Variants in ARHGAP24 observed in about 807,000 individuals in gnomAD.
ARHGAP24 encodes rho GTPase-activating protein 24.
Under a neutral mutation model 76.4 loss-of-function variants are expected in ARHGAP24, and 50 were observed. The ratio of observed to expected loss-of-function variants is 0.65; its 90% CI spans 0.52 to 0.83. ARHGAP24 has a LOEUF of 0.83. ARHGAP24 is among the 40% of genes least tolerant of loss of function. The pLI is 0.00. For missense variants in ARHGAP24, 930 were observed against 914.2 expected (o/e 1.02, Z -0.22); for synonymous variants, 345 against 323.3 (o/e 1.07, Z -0.72).
At chr4:85,488,379 T>C (rs1316525548) in intron 1 of ARHGAP24, among the ~76,000 whole-genome samples, 1 of 152,188 alleles carries the variant, frequency 6.6e-6, no homozygotes, top group African/African-American at 2.4e-5. Context: ...AAAAGTCTTT[T>C]AATCTTTCAT....
intron 5 of ARHGAP24, among the ~76,000 whole-genome samples, chr4:85,952,576 A>G (rs1456438557): frequency 3.3e-5 from 5 of 152,206 alleles, no homozygotes; most frequent in African/African-American, 1.2e-4. Context: ...TGGAATTTGG[A>G]GTAGTTGTGA....
intron 2 of ARHGAP24, among the ~76,000 whole-genome samples, chr4:85,686,019 T>C (rs1723410863): frequency 6.6e-6 from 1 of 152,194 alleles, no homozygotes. Context: ...CTGTGCTTGG[T>C]CTCAGTTGCT....
chr4:85,595,387 G>GT (rs922910957), intron 2 of ARHGAP24, among the ~76,000 whole-genome samples: 1 of 152,060 alleles, frequency 6.6e-6, no homozygotes, highest in Non-Finnish European at 1.5e-5. Context: ...AAGTCAGGTG[G>GT]TATTTATAGT....
intron 3 of ARHGAP24, among the ~76,000 whole-genome samples, chr4:85,768,250 A>G (rs1327947923): frequency 2.0e-5 from 3 of 152,224 alleles, no homozygotes; most frequent in Admixed American, 2.0e-4. Context: ...TAAAGATTGG[A>G]TTTAAAAAAA....
intron 1 of ARHGAP24, among the ~76,000 whole-genome samples, chr4:85,538,640 C>T (rs145208644): frequency 2.6e-5 from 4 of 152,266 alleles, no homozygotes; most frequent in Admixed American, 2.6e-4. Flanking sequence ...ATATTTTGAA[C>T]TCTCTTACCA....
At chr4:85,552,666 G>A (rs1726187816) in intron 1 of ARHGAP24, among the ~76,000 whole-genome samples, 1 of 152,064 alleles carries the variant, frequency 6.6e-6, no homozygotes, top group Admixed American at 6.6e-5. Context: ...CTCTTTGTAG[G>A]TATCTAAGAA....
intron 2 of ARHGAP24, among the ~76,000 whole-genome samples, chr4:85,609,625 C>T (rs1372619491): frequency 6.6e-6 from 1 of 152,158 alleles, no homozygotes; most frequent in Non-Finnish European, 1.5e-5. Context: ...TTCCCATTAT[C>T]ACAATTGGGA....
intron 2 of ARHGAP24, among the ~76,000 whole-genome samples, chr4:85,675,407 T>C (rs1722947220): frequency 6.6e-6 from 1 of 152,130 alleles, no homozygotes; most frequent in South Asian, 2.1e-4. Context: ...CTGTGGGAAG[T>C]GGCATTAGCA....
At chr4:85,583,546 T>A (rs1363237132) in intron 2 of ARHGAP24, among the ~76,000 whole-genome samples, 1 of 151,918 alleles carries the variant, frequency 6.6e-6, no homozygotes, top group East Asian at 1.9e-4. Flanking sequence ...GGACTTCATG[T>A]CTAAAACACC....
At position 85,941,958 on chromosome 4, in the gene ARHGAP24, G is replaced by A. The variant is rs867726544; in HGVS notation, c.392-108G>A. The A allele has an allele frequency of 1.1e-5, 12 of 1,098,266 alleles. No homozygotes were observed. The Middle Eastern group carries it at 8.6e-4, about 78-fold the overall frequency. 68.0% of individuals were successfully genotyped at this position (1,098,266 alleles called of 1,614,324 possible). ...GTGAAATACTGAATGTTAAGTGCTT[G>A]CTAGCATTCCAATCTTTGTTTTTCT... On this transcript the variant is annotated intron_variant, in intron 4 of 9. Coordinates refer to ENST00000395184, the MANE Select transcript of ARHGAP24 (RefSeq NM_001025616.3).
chr4:85,979,296 G>A (rs974524134), intron 8 of ARHGAP24, among the ~76,000 whole-genome samples: 1 of 152,076 alleles, frequency 6.6e-6, no homozygotes, highest in Non-Finnish European at 1.5e-5. Context: ...TTGTAATTAT[G>A]TGGTTTTTTC....
intron 1 of ARHGAP24, among the ~76,000 whole-genome samples, chr4:85,518,764 G>C (rs1724620558): frequency 6.6e-6 from 1 of 151,974 alleles, no homozygotes; most frequent in Non-Finnish European, 1.5e-5. Context: ...TCCACTCATT[G>C]ATTGATGGGC....
At chr4:85,906,838 T>A (rs1014328272) in intron 3 of ARHGAP24, among the ~76,000 whole-genome samples, 1 of 152,112 alleles carries the variant, frequency 6.6e-6, no homozygotes, top group Non-Finnish European at 1.5e-5. Context: ...AGATTTTTTT[T>A]ATATTTAAAC....
At chr4:85,846,559 T>C (rs937891978) in intron 3 of ARHGAP24, among the ~76,000 whole-genome samples, 1 of 152,220 alleles carries the variant, frequency 6.6e-6, no homozygotes, top group African/African-American at 2.4e-5. Flanking sequence ...TTCTGTTGGA[T>C]AAAACTATAA....
intron 2 of ARHGAP24, among the ~76,000 whole-genome samples, chr4:85,608,797 C>T (rs1263256742): frequency 1.3e-5 from 2 of 151,994 alleles, no homozygotes; most frequent in Non-Finnish European, 1.5e-5. Context: ...TGACCTCAGG[C>T]AATCTGCACG....
At chr4:85,513,559 T>TTAAA (rs776789611) in intron 1 of ARHGAP24, among the ~76,000 whole-genome samples, 2 of 151,396 alleles carry the variant, frequency 1.3e-5, no homozygotes, top group Non-Finnish European at 2.9e-5. Context: ...GCCTTTTTTT[T>TTAAA]AAAAAAAAAA....
chr4:85,977,457 T>A (rs1739407093), intron 7 of ARHGAP24, 113 bp from the exon 8 acceptor site: 3 of 1,229,850 alleles, frequency 2.4e-6, no homozygotes, highest in Non-Finnish European at 3.5e-6. Flanking sequence ...TAATTCTGTC[T>A]CCATAGTCAT....
At chr4:85,771,898 AG>A (rs1450639547) in intron 3 of ARHGAP24, among the ~76,000 whole-genome samples, 17 of 152,136 alleles carry the variant, frequency 1.1e-4, no homozygotes, top group African/African-American at 3.9e-4. Flanking sequence ...TAGTAGAGAC[AG>A]GGTTTCATTA....
chr4:85,859,585 T>C (rs1731772164), intron 3 of ARHGAP24, among the ~76,000 whole-genome samples: 1 of 152,118 alleles, frequency 6.6e-6, no homozygotes, highest in Admixed American at 6.6e-5. Flanking sequence ...TCCTCATGAT[T>C]TTAATGTGAT....
Sources: allele counts gnomAD v4.1 joint callset (sites outside exome capture counted in the v4.1 genomes callset), GRCh38; gene constraint gnomAD v4.1.1; transcripts MANE v1.5; gene names NCBI Gene and HGNC (gene_info 2026-07-23, HGNC 2026-07-21).